Variants in KCTD1 observed in about 807,000 individuals in gnomAD.
The protein encoded by KCTD1 is BTB/POZ domain-containing protein KCTD1.
A neutral mutation model predicts 66.0 loss-of-function variants in KCTD1; 24 were observed. The ratio of observed to expected loss-of-function variants is 0.36; its 90% CI spans 0.26 to 0.51. The LOEUF is 0.51. Among genes scored for constraint, KCTD1 ranks in the 20% least tolerant of loss-of-function variants. The pLI is 0.95. For missense variants in KCTD1, 943 were observed against 1,205.2 expected, an observed-to-expected ratio of 0.78 and a Z score of 3.22; for synonymous variants, 511 against 517.2, an observed-to-expected ratio of 0.99 and a Z score of 0.16.
At chr18:26,472,013 G>A (rs913760785) in intron 3 of KCTD1, among the ~76,000 whole-genome samples, 1 of 152,114 alleles carries the variant, frequency 6.6e-6, no homozygotes, top group Non-Finnish European at 1.5e-5. Context: ...CGAAGAAGAG[G>A]AAAAAGTCCA....
At chr18:26,553,713 C>T (rs991256659) in intron 1 of KCTD1, among the ~76,000 whole-genome samples, 2 of 151,644 alleles carry the variant, frequency 1.3e-5, no homozygotes, top group African/African-American at 4.8e-5. Flanking sequence ...ATGCACAAAA[C>T]ACTTAACACA....
chr18:26,623,298 T>C (rs1987428803), intron 1 of KCTD1, among the ~76,000 whole-genome samples: 1 of 152,196 alleles, frequency 6.6e-6, no homozygotes, highest in African/African-American at 2.4e-5. Flanking sequence ...AATGAATAAA[T>C]TCCTCTTTCC....
intron 1 of KCTD1, among the ~76,000 whole-genome samples, chr18:26,621,840 T>C (rs1433135351): frequency 6.6e-6 from 1 of 152,174 alleles, no homozygotes; most frequent in East Asian, 1.9e-4. Flanking sequence ...AAATATGCAT[T>C]TGATGGTCCT....
rs572440623 is a variant in KCTD1, at chr18:26,524,847, A to T, written c.1809+21881T>A. Among the ~76,000 whole-genome samples the T allele has an allele frequency of 1.5e-4, 23 of 151,802 alleles. 1 individual carries two copies. Among genetic ancestry groups the T allele is most frequent in the South Asian group, 4.2e-4 (2 of 4,802 alleles). Reference sequence around the variant, plus strand: ...TAAATTTTAAGACATTTTTTAATTTAAAAAAAAATCTAAAGGCACAAACCG... The same window carrying T: ...TAAATTTTAAGACATTTTTTAATTTTAAAAAAAATCTAAAGGCACAAACCG... On this transcript the variant is annotated intron_variant, in intron 1 of 4. Coordinates refer to ENST00000580059, the MANE Select transcript of KCTD1 (RefSeq NM_001142730.3).
intron 1 of KCTD1, among the ~76,000 whole-genome samples, chr18:26,650,115 G>A (rs954902315): frequency 1.3e-5 from 2 of 152,154 alleles, no homozygotes; most frequent in African/African-American, 4.8e-5. Flanking sequence ...CCATCTTTGA[G>A]GCAACGTCCT....
At chr18:26,619,300 G>A (rs1987322640) in intron 1 of KCTD1, among the ~76,000 whole-genome samples, 1 of 152,088 alleles carries the variant, frequency 6.6e-6, no homozygotes, top group Admixed American at 6.6e-5. Flanking sequence ...TTCCTTACTT[G>A]ACTTTGTAAA....
intron 1 of KCTD1, among the ~76,000 whole-genome samples, chr18:26,516,320 T>C (rs964763617): frequency 4.6e-5 from 7 of 152,218 alleles, no homozygotes; most frequent in Non-Finnish European, 5.9e-5. Flanking sequence ...CCTGTAGATC[T>C]TGTTTATCCC....
At chr18:26,595,021 C>A (rs1283874663) in intron 1 of KCTD1, among the ~76,000 whole-genome samples, 1 of 152,112 alleles carries the variant, frequency 6.6e-6, no homozygotes, top group Non-Finnish European at 1.5e-5. Flanking sequence ...CACTTTTCCT[C>A]TCCCCACTCT....
intron 1 of KCTD1, among the ~76,000 whole-genome samples, chr18:26,609,410 C>A (rs1033492737): frequency 1.8e-4 from 28 of 152,196 alleles, no homozygotes; most frequent in African/African-American, 6.0e-4. Flanking sequence ...CAAAAGATTT[C>A]TTGCTTAAGC....
At chr18:26,622,511 A>G (rs1187131282) in intron 1 of KCTD1, among the ~76,000 whole-genome samples, 1 of 152,188 alleles carries the variant, frequency 6.6e-6, no homozygotes, top group Admixed American at 6.6e-5. Context: ...CTTGCCAGCC[A>G]TTGTCTCTGT....
chr18:26,589,161 T>TG (rs1469261086), intron 1 of KCTD1, among the ~76,000 whole-genome samples: 1 of 151,964 alleles, frequency 6.6e-6, no homozygotes, highest in African/African-American at 2.4e-5. Context: ...GGATAAGACC[T>TG]GGGGGAGGAC....
chr18:26,569,043 A>C (rs1373004106), intron 1 of KCTD1, among the ~76,000 whole-genome samples: 1 of 152,176 alleles, frequency 6.6e-6, no homozygotes, highest in Non-Finnish European at 1.5e-5. Flanking sequence ...TAGCATTTTA[A>C]CAAAAGGACT....
chr18:26,484,805 A>G (rs1981832651), intron 2 of KCTD1, among the ~76,000 whole-genome samples: 1 of 152,144 alleles, frequency 6.6e-6, no homozygotes, highest in Non-Finnish European at 1.5e-5. Context: ...GCTGGAGGCA[A>G]TGACTCTGCA....
chr18:26,599,665 T>G, intron 1 of KCTD1: 1 of 1,478,592 alleles, frequency 6.8e-7, no homozygotes, highest in Non-Finnish European at 9.5e-7. Context: ...CCCAGATCCT[T>G]CGGCCTGGTG....
chr18:26,651,596 C>A (rs1988034757), intron 1 of KCTD1, among the ~76,000 whole-genome samples: 1 of 151,728 alleles, frequency 6.6e-6, no homozygotes, highest in East Asian at 1.9e-4. Context: ...CCAGCTTGGC[C>A]AAAATGGTGA....
rs1036241678 is a variant in KCTD1 at position 26,546,847 on chromosome 18, C to T, written c.1690G>A (p.Asp564Asn). ...RLCIRPSEPV[D>N]AVVVVSVKHD... ...TTCACGGAAACCACCACCACCGCAT[C>T]CACAGGCTCCGAGGGGCGGATACAA... Residue 564 changes from aspartate (D) to asparagine (N), a missense_variant, in exon 1 of 5, where the codon GAT (aspartate) becomes AAT (asparagine). By Grantham distance (23) the Asp-to-Asn change is conservative (BLOSUM62 1). Around this residue, in one of 10 missense-constraint regions of KCTD1, gnomAD observed 197 missense variants for 182.7 expected, o/e 1.08. Transcript: ENST00000580059. 1.1e-5 allele frequency: 17 copies of T among 1,520,276 alleles called. No individual in the cohort carries two copies. Among genetic ancestry groups the T allele is most frequent in the Non-Finnish European group, 1.4e-5 (16 of 1,134,726 alleles). The allele number at this position is 1,520,276 out of a possible 1,614,324, so 94.2% of individuals were successfully genotyped here. A position where few individuals can be genotyped will look rare whatever the true frequency, so the allele number is the denominator to read the frequency against.
At chr18:26,650,120 C>T (rs193268364) in intron 1 of KCTD1, among the ~76,000 whole-genome samples, 165 of 152,298 alleles carry the variant, frequency 1.1e-3, no homozygotes, top group African/African-American at 3.9e-3. Flanking sequence ...TTTGAGGCAA[C>T]GTCCTACTTA....
At chr18:26,509,220 T>C (rs1983210645) in intron 1 of KCTD1, among the ~76,000 whole-genome samples, 1 of 151,742 alleles carries the variant, frequency 6.6e-6, no homozygotes, top group South Asian at 2.1e-4. Context: ...GCATAATTTA[T>C]TTAGAGAACA....
At chr18:26,606,477 C>T (rs951728034) in intron 1 of KCTD1, among the ~76,000 whole-genome samples, 3 of 152,192 alleles carry the variant, frequency 2.0e-5, no homozygotes, top group Admixed American at 6.5e-5. Flanking sequence ...CTCTTTGAAT[C>T]TGGCTGGCCT....
Sources: allele counts gnomAD v4.1 joint callset (sites outside exome capture counted in the v4.1 genomes callset), GRCh38; gene constraint gnomAD v4.1.1; regional missense constraint gnomAD v4.1.1; transcripts MANE v1.5; gene names NCBI Gene and HGNC (gene_info 2026-07-23, HGNC 2026-07-21).